PLAGL1: variants seen among roughly 807,000 people sequenced by gnomAD.
PLAGL1 encodes the protein zinc finger protein PLAGL1.
Under a neutral mutation model 4.6 loss-of-function variants are expected in PLAGL1, and 1 was observed. The ratio of observed to expected loss-of-function variants is 0.22; its 90% CI spans 0.08 to 1.03. PLAGL1 has a LOEUF of 1.03. Among genes scored for constraint, PLAGL1 ranks in the 50% least tolerant of loss-of-function variants. The pLI is 0.58. For missense variants in PLAGL1, 464 were observed against 570.4 expected (o/e 0.81, Z 1.90); for synonymous variants, 240 against 237.8 (o/e 1.01, Z -0.08).
At position 143,995,617 on chromosome 6, in the gene PLAGL1, T is replaced by A. The variant is rs1361080252; in HGVS notation, c.-583-10443A>T. ...AATAGCTTTAAAAGCTATACTGTCA[T>A]AAGATACTCATACCACTTAAAATTC... On this transcript the variant is annotated intron_variant, in intron 1 of 7. Coordinates refer to ENST00000674357, the MANE Select transcript of PLAGL1 (RefSeq NM_001317162.2). The surrounding 1 kb of genome is among the most constrained non-coding windows in gnomAD (Gnocchi z 4.4). Among the ~76,000 whole-genome samples the A allele has an allele frequency of 1.3e-5, 2 of 152,140 alleles. No homozygotes were observed. The highest frequency in any genetic ancestry group is 4.8e-5 in the African/African-American group (2 of 41,438).
At chr6:143,976,285 C>CTTTT (rs58569870) in intron 2 of PLAGL1, among the ~76,000 whole-genome samples, 31,226 of 112,522 alleles carry the variant, frequency 0.28, 5,002 homozygotes, top group Non-Finnish European at 0.39. Flanking sequence ...GATTTCTTTT[C>CTTTT]TTTTTTTTTT....
intron 1 of PLAGL1, among the ~76,000 whole-genome samples, chr6:144,003,622 TC>T (rs1200325702): frequency 6.2e-5 from 2 of 32,306 alleles, no homozygotes; most frequent in African/African-American, 1.7e-4. Context: ...AGACTCCATC[TC>T]AAAAAAAAAA....
intron 1 of PLAGL1, among the ~76,000 whole-genome samples, chr6:143,988,035 C>T (rs1286850613): frequency 6.6e-6 from 1 of 152,112 alleles, no homozygotes; most frequent in Non-Finnish European, 1.5e-5. Context: ...CAAGCTTTTC[C>T]CATACATATA....
At chr6:144,058,159 G>A (rs964991600) in intron 1 of PLAGL1, among the ~76,000 whole-genome samples, 7 of 152,188 alleles carry the variant, frequency 4.6e-5, no homozygotes, top group African/African-American at 1.4e-4. Flanking sequence ...TCAGCTTCTG[G>A]TGAGGGCTCA....
rs948463147 is a variant in PLAGL1, at chr6:143,945,030, G to A, written c.153-2367C>T. On this transcript the variant is annotated intron_variant, in intron 7 of 7. Coordinates refer to ENST00000674357, the MANE Select transcript of PLAGL1 (RefSeq NM_001317162.2). This position sits in a 1 kb window ranked among gnomAD's most constrained non-coding sequence, Gnocchi z 4.2. ...TGACACCCCAGTAGTACTTGAGCAA[G>A]ACCACTGCCTTCCAGACTTCACTAG... is the stretch of plus-strand genomic sequence containing the variant. Among the ~76,000 whole-genome samples, 2 of 152,130 alleles carry A rather than the reference G, an allele frequency of 1.3e-5. No homozygotes were observed. Among genetic ancestry groups the A allele is most frequent in the African/African-American group, 4.8e-5 (2 of 41,412 alleles).
rs1791481812 is a variant in PLAGL1, at chr6:143,995,805, A to G, written c.-583-10631T>C. 1.3e-5 allele frequency among the ~76,000 whole-genome samples: 2 copies of G among 152,180 alleles called. No individual in the cohort carries two copies. The highest frequency in any genetic ancestry group is 4.1e-4 in the South Asian group (2 of 4,832). ...AAAATTTAACACTTGATGGGCTCAA[A>G]TCTTAATTATAAAACAGAGGTTTTT... On this transcript the variant is annotated intron_variant, in intron 1 of 7. Transcript: ENST00000674357. This position sits in a 1 kb window ranked among gnomAD's most constrained non-coding sequence, Gnocchi z 4.4.
At chr6:144,026,794 T>C (rs559289573) in intron 1 of PLAGL1, among the ~76,000 whole-genome samples, 1 of 152,348 alleles carries the variant, frequency 6.6e-6, no homozygotes, top group African/African-American at 2.4e-5. Flanking sequence ...CCACTGTAAC[T>C]ACTGGCAAAG....
chr6:144,042,551 G>T (rs1025837289), intron 1 of PLAGL1, among the ~76,000 whole-genome samples: 4 of 152,174 alleles, frequency 2.6e-5, no homozygotes, highest in Admixed American at 2.6e-4. Context: ...TTTGGTACCA[G>T]TACCATGCTG....
chr6:144,028,730 T>C (rs958148329), intron 1 of PLAGL1, among the ~76,000 whole-genome samples: 2 of 152,190 alleles, frequency 1.3e-5, no homozygotes, highest in African/African-American at 4.8e-5. Context: ...GCTGAGGGTG[T>C]AGAGAATGTC....
intron 1 of PLAGL1, among the ~76,000 whole-genome samples, chr6:144,001,184 A>T (rs1022588711): frequency 2.6e-4 from 39 of 152,114 alleles, no homozygotes; most frequent in African/African-American, 4.8e-4. Flanking sequence ...TAAAAAAAAA[A>T]AAATAAAAAT....
At chr6:143,992,907 G>C (rs1178497557) in intron 1 of PLAGL1, among the ~76,000 whole-genome samples, 1 of 152,006 alleles carries the variant, frequency 6.6e-6, no homozygotes, top group Non-Finnish European at 1.5e-5. Flanking sequence ...GAACCTGGGA[G>C]GTGGAGGTTG....
At chr6:144,030,254 CAAAAAAAAAA>C (rs66563676) in intron 1 of PLAGL1, among the ~76,000 whole-genome samples, 1,977 of 44,496 alleles carry the variant, frequency 0.044, 28 homozygotes, top group African/African-American at 0.14. Context: ...GACTCCGTCT[CAAAAAAAAAA>C]AAAAAAAAAA....
upstream of PLAGL1, among the ~76,000 whole-genome samples, chr6:144,013,328 A>G (rs1356549042): frequency 6.6e-6 from 1 of 152,202 alleles, no homozygotes; most frequent in Non-Finnish European, 1.5e-5. The surrounding 1 kb of genome is among the most constrained non-coding windows in gnomAD (Gnocchi z 4.4). Context: ...GCAGACAATC[A>G]TACAGATTAT....
chr6:144,038,009 T>C (rs1797388832), intron 1 of PLAGL1, among the ~76,000 whole-genome samples: 1 of 152,028 alleles, frequency 6.6e-6, no homozygotes, highest in Non-Finnish European at 1.5e-5. Flanking sequence ...TTGAAAAAAA[T>C]GAGCAAAGTC....
rs1782428819 is a variant in PLAGL1 at position 143,957,615 on chromosome 6, C to T, written c.-325+2854G>A. On this transcript the variant is annotated intron_variant, in intron 6 of 7. Transcript: ENST00000674357. The surrounding 1 kb of genome is among the most constrained non-coding windows in gnomAD (Gnocchi z 4.2). Reference sequence around the variant, plus strand: ...TAACATTCAAGGGAAAGAAAAGCCTCTTTCTTTCTCAGGAAGTGTGTGAGG... The same window carrying T: ...TAACATTCAAGGGAAAGAAAAGCCTTTTTCTTTCTCAGGAAGTGTGTGAGG... Among the ~76,000 whole-genome samples, 1 of 152,164 alleles carries T rather than the reference C, an allele frequency of 6.6e-6. No individual in the cohort carries two copies. Among genetic ancestry groups the T allele is most frequent in the African/African-American group, 2.4e-5 (1 of 41,440 alleles).
At chr6:144,041,991 G>A (rs1797774529) in intron 1 of PLAGL1, among the ~76,000 whole-genome samples, 2 of 152,198 alleles carry the variant, frequency 1.3e-5, no homozygotes, top group Admixed American at 1.3e-4. Context: ...CTTTTGAGAA[G>A]TATCTGTTCA....
rs976406805 is a variant in PLAGL1 at position 144,031,098 on chromosome 6, T to C, written c.-151+33370A>G. Among the ~76,000 whole-genome samples, 19 of 152,184 alleles carry C rather than the reference T, an allele frequency of 1.2e-4. 1 individual carries two copies. The highest frequency in any genetic ancestry group is 2.4e-4 in the Non-Finnish European group (16 of 68,012). On this transcript the variant is annotated intron_variant, in intron 1 of 3. Transcript: ENST00000437412. Reference sequence around the variant, plus strand: ...GTGGTTTTGATTTGCATTTCCCTGATAGTGATGTTGAGCATTTTTCCATAT... The same window carrying C: ...GTGGTTTTGATTTGCATTTCCCTGACAGTGATGTTGAGCATTTTTCCATAT...
At position 143,964,466 on chromosome 6, in the gene PLAGL1, A is replaced by G. The variant is rs1784024858; in HGVS notation, c.-399+321T>C. Among the ~76,000 whole-genome samples the G allele has an allele frequency of 6.6e-6, 1 of 152,146 alleles. No individual in the cohort carries two copies. The highest frequency in any genetic ancestry group is 1.5e-5 in the Non-Finnish European group (1 of 68,026). On this transcript the variant is annotated intron_variant, in intron 5 of 7. Transcript: ENST00000674357. The surrounding 1 kb of genome is among the most constrained non-coding windows in gnomAD (Gnocchi z 4.3). Reference sequence around the variant, plus strand: ...ACTGGAGTCCGTTTTCATTATGGGGAATGAAAACAGTAATGCTTCTTGCAT... The same window carrying G: ...ACTGGAGTCCGTTTTCATTATGGGGGATGAAAACAGTAATGCTTCTTGCAT...
rs909878583 is a variant in PLAGL1 at position 143,994,586 on chromosome 6, C to T, written c.-583-9412G>A. Reference sequence around the variant, plus strand: ...TGGCATTATAAATACTACTATTATTCGCAAAAAAATGTATGGAAGATGATG... The same window carrying T: ...TGGCATTATAAATACTACTATTATTTGCAAAAAAATGTATGGAAGATGATG... On this transcript the variant is annotated intron_variant, in intron 1 of 7. Transcript: ENST00000674357. The surrounding 1 kb of genome is among the most constrained non-coding windows in gnomAD (Gnocchi z 4.3). Among the ~76,000 whole-genome samples, 12 of 152,152 alleles carry T rather than the reference C, an allele frequency of 7.9e-5. No individual in the cohort carries two copies. The highest frequency in any genetic ancestry group is 2.2e-4 in the African/African-American group (9 of 41,424).
Sources: gnomAD v4.1 joint callset for allele counts (sites outside exome capture counted in the v4.1 genomes callset) on GRCh38, gnomAD v4.1.1 for gene constraint, Gnocchi (gnomAD v3.1) non-coding constraint, MANE v1.5 for transcripts, NCBI Gene and HGNC (gene_info 2026-07-23, HGNC 2026-07-21) for gene names.